Variants in MOSPD2 observed in about 807,000 individuals in gnomAD.
MOSPD2 encodes motile sperm domain containing 2, also known as motile sperm domain-containing protein 2.
MOSPD2 carries 5 observed loss-of-function variants against 41.7 expected under a neutral mutation model. The observed-to-expected ratio is 0.12, with a 90% CI of 0.06 to 0.25. MOSPD2 has a LOEUF of 0.25. Among genes scored for constraint, MOSPD2 ranks in the 10% least tolerant of loss-of-function variants. The pLI, the probability that MOSPD2 is intolerant of heterozygous loss-of-function variation, is 1.00. For synonymous variants in MOSPD2, 115 were observed against 126.9 expected, an observed-to-expected ratio of 0.91 and a Z score of 0.63; for missense variants, 282 against 375.2, an observed-to-expected ratio of 0.75 and a Z score of 2.05.
rs1319544872 is a variant in MOSPD2 at position 14,896,681 on chromosome X, C to T, written c.323-403C>T. Among the ~76,000 whole-genome samples, 11 of 112,978 alleles carry T rather than the reference C, an allele frequency of 9.7e-5. No homozygotes were observed. In the East Asian group the frequency reaches 1.7e-3, roughly 17 times the overall value. ...AACAGTTTACCGTGCTCCACACACA[C>T]GCACGGCACTGGCTCATGCCTCCAT... is the stretch of plus-strand genomic sequence containing the variant. On this transcript the variant is annotated intron_variant, in intron 4 of 14. Transcript: ENST00000380492.
chrX:14,914,236 C>T (rs1286992560), intron 10 of MOSPD2, among the ~76,000 whole-genome samples: 3 of 110,729 alleles, frequency 2.7e-5, no homozygotes, highest in Non-Finnish European at 5.7e-5. Context: ...TAGGATTAAT[C>T]AGAGCCTTCA....
rs1459030026 is a variant in MOSPD2 at position 14,920,503 on chromosome X, T to G, written c.*694T>G. 2 of 752,626 alleles carry G rather than the reference T, an allele frequency of 2.7e-6. No individual in the cohort carries two copies. Among genetic ancestry groups the G allele is most frequent in the East Asian group, 1.5e-4 (1 of 6,600 alleles). The allele number at this position is 752,626 out of a possible 1,213,427, so 62.0% of individuals were successfully genotyped here. A position where few individuals can be genotyped will look rare whatever the true frequency, so the allele number is the denominator to read the frequency against. On this transcript the variant is annotated 3_prime_UTR_variant, in exon 15 of 15. Coordinates refer to ENST00000380492, the MANE Select transcript of MOSPD2 (RefSeq NM_152581.4). ...TTTGGAAAACTAAGCGTGGTTGGAA[T>G]TTCTTTGAATTCTGTTAGTAATGCC...
In MOSPD2 at chrX:14,888,195, TACACACACACGCACACAC is replaced by T. The variant is rs1430350882; in HGVS notation, c.80-4517_80-4500del. ...TGAGGACAAGTATTGGGAGAATATATACACACACACGCACACACACACACACACACACACACACACACA... is the reference window on the plus strand; with the variant it reads ...TGAGGACAAGTATTGGGAGAATATATACACACACACACACACACACACACA... On this transcript the variant is annotated intron_variant, in intron 2 of 14. Coordinates refer to ENST00000380492, the MANE Select transcript of MOSPD2 (RefSeq NM_152581.4). Among the ~76,000 whole-genome samples, 365 of 88,770 alleles carry T rather than the reference TACACACACACGCACACAC, an allele frequency of 4.1e-3. 3 individuals are homozygous for T. Among genetic ancestry groups the T allele is most frequent in the Non-Finnish European group, 5.3e-3 (235 of 44,474 alleles). The allele number at this position is 88,770 out of a possible 115,157, so 77.1% of individuals were successfully genotyped here.
intron 2 of MOSPD2, among the ~76,000 whole-genome samples, chrX:14,875,633 C>G (rs2092518691): frequency 8.9e-6 from 1 of 111,735 alleles, no homozygotes; most frequent in African/African-American, 3.3e-5. Flanking sequence ...ATGTGACCCC[C>G]AGTTGAAAAA....
intron 11 of MOSPD2, among the ~76,000 whole-genome samples, chrX:14,914,961 C>A (rs996555164): frequency 2.7e-4 from 30 of 111,064 alleles, no homozygotes; most frequent in Admixed American, 2.9e-4. Flanking sequence ...GTGCATTTTC[C>A]CCAAGTGTGG....
intron 2 of MOSPD2, among the ~76,000 whole-genome samples, chrX:14,886,880 A>G: frequency 8.9e-6 from 1 of 112,284 alleles, no homozygotes; most frequent in Middle Eastern, 4.2e-3. Context: ...GCTTAATCCC[A>G]TTATAAAAGA....
At chrX:14,889,790 A>G (rs781028593) in intron 2 of MOSPD2, among the ~76,000 whole-genome samples, 18 of 112,217 alleles carry the variant, frequency 1.6e-4, no homozygotes, top group Non-Finnish European at 3.2e-4. Flanking sequence ...GCTGAAAGCT[A>G]TCAAAGAGCC....
chrX:14,886,744 C>T (rs2092542317), intron 2 of MOSPD2, among the ~76,000 whole-genome samples: 1 of 111,683 alleles, frequency 9.0e-6, no homozygotes, highest in Admixed American at 9.5e-5. Flanking sequence ...GTTACAAATA[C>T]CAATTGTCAG....
intron 14 of MOSPD2, 78 bp downstream of exon 14, chrX:14,918,860 A>G: frequency 1.5e-6 from 1 of 648,192 alleles, no homozygotes; most frequent in South Asian, 2.5e-5. Context: ...TCTCACGGAC[A>G]TAAAGAAAAA....
Position 14,888,465 on chromosome X carries a change from C to G in MOSPD2, c.80-4258C>G, listed in dbSNP as rs757675880. 2.3e-4 allele frequency among the ~76,000 whole-genome samples: 26 copies of G among 110,770 alleles called. No homozygotes were observed. The East Asian group carries it at 2.9e-3, about 12-fold the overall frequency. ...TAAAAATGGGAGTTTCCCTGCACAA[C>G]CTCTCTCTTTGCTTGCCACCATCCA... is the stretch of plus-strand genomic sequence containing the variant. On this transcript the variant is annotated intron_variant, in intron 2 of 14. Coordinates refer to ENST00000380492, the MANE Select transcript of MOSPD2 (RefSeq NM_152581.4).
chrX:14,908,906 C>A lies in MOSPD2; in HGVS notation c.624C>A (p.Ser208Arg). 5 of 1,197,111 alleles carry A rather than the reference C, an allele frequency of 4.2e-6. No homozygotes were observed. Among genetic ancestry groups the A allele is most frequent in the Non-Finnish European group, 5.6e-6 (5 of 885,296 alleles). The change falls in exon 8 of 15, where the codon AGC becomes AGA. Residue 208 changes from serine to arginine, a missense_variant. Transcript: ENST00000380492. ...CCTGGCTTGGTCCAGAAGCAGTGAGCTTGTTGAAGTTTACAAGCAAAAATG... is the reference window on the plus strand; with the variant it reads ...CCTGGCTTGGTCCAGAAGCAGTGAGATTGTTGAAGTTTACAAGCAAAAATG... ...VKTWLGPEAV[S>R]LLKFTSKNEV...
intron 2 of MOSPD2, among the ~76,000 whole-genome samples, chrX:14,876,961 G>A (rs1247142216): frequency 3.6e-5 from 4 of 112,064 alleles, no homozygotes; most frequent in Non-Finnish European, 7.5e-5. Context: ...TTGGAAGATG[G>A]TAGAACTCAG....
At chrX:14,894,693 A>T (rs1230228411) in intron 3 of MOSPD2, among the ~76,000 whole-genome samples, 3 of 110,432 alleles carry the variant, frequency 2.7e-5, no homozygotes, top group African/African-American at 9.9e-5. Context: ...CTGGCCTCAA[A>T]TGATACTCCC....
chrX:14,916,236 C>T lies in MOSPD2; in HGVS notation c.1226C>T (p.Ala409Val). The change falls in exon 13 of 15, where the codon GCT (alanine) becomes GTT (valine). Residue 409 changes from alanine to valine, a missense_variant. Ala to Val is a moderately conservative substitution (Grantham distance 64). This residue lies in a region of MOSPD2 where 94 missense variants were observed against 102.1 expected (regional missense o/e 0.92). Coordinates refer to ENST00000380492, the MANE Select transcript of MOSPD2 (RefSeq NM_152581.4). ...GCCCAAGACCGTTTTCTGATAATGG[C>T]TGCAGAAATGGAACAGTCATCTGGC... ...VSAQDRFLIM[A>V]AEMEQSSGTG... 8.3e-7 allele frequency: 1 copy of T among 1,211,891 alleles called. No individual in the cohort carries two copies. The highest frequency in any genetic ancestry group is 1.1e-6 in the Non-Finnish European group (1 of 895,426).
Position 14,919,657 on chromosome X carries a change from C to T in MOSPD2, c.1420-15C>T. On this transcript the variant is annotated splice_polypyrimidine_tract_variant and intron_variant, in intron 14 of 14. Transcript: ENST00000380492. ...TTTATTGATATAAATCTTTCATCCC[C>T]TCTTCCCTCTTCAGCTCAGTCGTTT... The T allele has an allele frequency of 2.6e-6, 3 of 1,155,501 alleles. No homozygotes were observed. The highest frequency in any genetic ancestry group is 3.5e-6 in the Non-Finnish European group (3 of 850,459).
chrX:14,895,226 T>C (rs1602029823), intron 3 of MOSPD2, 82 bp from the exon 4 acceptor site: 1 of 572,070 alleles, frequency 1.7e-6, no homozygotes, highest in East Asian at 3.4e-5. Context: ...TCAGAACTAC[T>C]ACATAACATT....
chrX:14,916,116 G>C, intron 12 of MOSPD2, 81 bp from the exon 13 acceptor site: 4 of 1,168,179 alleles, frequency 3.4e-6, no homozygotes, highest in Non-Finnish European at 4.6e-6. Context: ...TTGAGTTCCA[G>C]AATAATGCTT....
At chrX:14,878,167 T>C (rs186949995) in intron 2 of MOSPD2, among the ~76,000 whole-genome samples, 358 of 112,097 alleles carry the variant, frequency 3.2e-3, no homozygotes, top group Non-Finnish European at 5.9e-3. Flanking sequence ...TTAGATTCTT[T>C]CCAGTTTCAT....
intron 5 of MOSPD2, 61 bp from the exon 6 acceptor site, chrX:14,900,514 G>C (rs1238210498): frequency 3.6e-6 from 2 of 552,091 alleles, no homozygotes; most frequent in African/African-American, 4.7e-5. Flanking sequence ...ATCACCTTTA[G>C]AAATGTGCAA....
Sources: gnomAD v4.1 joint callset for allele counts (sites outside exome capture counted in the v4.1 genomes callset) on GRCh38, gnomAD v4.1.1 for gene constraint, gnomAD v4.1.1 regional missense constraint, MANE v1.5 for transcripts, NCBI Gene and HGNC (gene_info 2026-07-23, HGNC 2026-07-21) for gene names.